The following RGL1 variants were observed in gnomAD, a reference collection of about 807,000 sequenced individuals.
The protein encoded by RGL1 is ral guanine nucleotide dissociation stimulator like 1.
In RGL1, 24 loss-of-function variants were observed where a neutral mutation model predicts 95.2. The observed-to-expected ratio is 0.25, with a 90% CI of 0.18 to 0.35. RGL1 has a LOEUF of 0.35. Ranked by LOEUF, RGL1 falls within the 10% of genes least tolerant of loss-of-function variation. The pLI is 1.00. For missense variants in RGL1, 715 were observed against 936.3 expected (o/e 0.76, Z 3.08); for synonymous variants, 329 against 344.9 (o/e 0.95, Z 0.51).
At chr1:183,678,492 T>A (rs1652982400) in intron 1 of RGL1, among the ~76,000 whole-genome samples, 1 of 152,210 alleles carries the variant, frequency 6.6e-6, no homozygotes, top group Non-Finnish European at 1.5e-5. Context: ...ATGGAATATG[T>A]GAATGAATTG....
rs117607705 is a variant in RGL1, at chr1:183,786,184, T to C, written c.133-20191T>C. On this transcript the variant is annotated intron_variant, in intron 2 of 18. Coordinates refer to the RGL1 transcript ENST00000304685. ...TGAGAGGCCAAGGCAGGAGGATTAC[T>C]TGAGCCCAGAAGTTTGAGACCAGCC... Among the ~76,000 whole-genome samples, 45 of 152,270 alleles carry C rather than the reference T, an allele frequency of 3.0e-4. No homozygotes were observed. The East Asian group carries it at 8.3e-3, about 28-fold the overall frequency.
In RGL1 at chr1:183,917,959, G is replaced by A. The variant is rs140219134; in HGVS notation, c.2004+1258G>A. Among the ~76,000 whole-genome samples the A allele has an allele frequency of 2.6e-5, 4 of 152,330 alleles. No individual in the cohort carries two copies. The East Asian group carries it at 7.7e-4, about 29-fold the overall frequency. On this transcript the variant is annotated intron_variant, in intron 16 of 17. Transcript: ENST00000360851. ...CTGCTATCATGTTCCATGTAGGAGA[G>A]GATAAGGGCTTGAATGACGGTCATG...
At chr1:183,641,283 C>T (rs1300220795) in intron 1 of RGL1, among the ~76,000 whole-genome samples, 10 of 152,164 alleles carry the variant, frequency 6.6e-5, no homozygotes, top group Admixed American at 2.6e-4. Context: ...CACAGGAGTA[C>T]GCCACTACCC....
At position 183,880,616 on chromosome 1, in the gene RGL1, T is replaced by G. The variant is rs1456311419; in HGVS notation, c.426T>G (p.Asn142Lys). 1.2e-6 allele frequency: 2 copies of G among 1,613,332 alleles called. No homozygotes were observed. The highest frequency in any genetic ancestry group is 2.7e-5 in the African/African-American group (2 of 74,890). Residue 142 changes from asparagine (N) to lysine (K), a missense_variant and splice_region_variant, in exon 5 of 18, where the codon AAT (asparagine) becomes AAG (lysine). Physicochemically the swap from Asn to Lys is moderately conservative, Grantham distance 94. Coordinates refer to ENST00000360851, the MANE Select transcript of RGL1 (RefSeq NM_001297671.3). ...SSSESKMVIRNAIASILRAWL... is the reference protein window; with the variant it reads ...SSSESKMVIRKAIASILRAWL... ...GTGACTCTCCATTTGTCTTTCTCAG[T>G]GCAATCGCTTCCATACTAAGGGCCT...
At chr1:183,872,384 T>G (rs1666234750) in intron 4 of RGL1, among the ~76,000 whole-genome samples, 2 of 152,238 alleles carry the variant, frequency 1.3e-5, no homozygotes, top group Admixed American at 6.5e-5. Flanking sequence ...ATTTCTTTCC[T>G]TTAATGACTA....
intron 2 of RGL1, among the ~76,000 whole-genome samples, chr1:183,779,876 T>G (rs1659807551): frequency 6.6e-6 from 1 of 152,000 alleles, no homozygotes; most frequent in Admixed American, 6.6e-5. Context: ...TTATGCATAG[T>G]GTGTGGGTGA....
chr1:183,841,476 G>GC (rs1664053581), intron 2 of RGL1, among the ~76,000 whole-genome samples: 1 of 152,160 alleles, frequency 6.6e-6, no homozygotes, highest in African/African-American at 2.4e-5. Context: ...TTTGGTTTAA[G>GC]TTTTGTTAAG....
intron 1 of RGL1, among the ~76,000 whole-genome samples, chr1:183,663,890 A>G (rs1259354073): frequency 1.3e-5 from 2 of 151,604 alleles, no homozygotes; most frequent in Non-Finnish European, 2.9e-5. Flanking sequence ...GCCATAAAAA[A>G]TGATGAGTTC....
intron 1 of RGL1, among the ~76,000 whole-genome samples, chr1:183,669,740 G>A (rs1160514944): frequency 6.6e-6 from 1 of 152,154 alleles, no homozygotes; most frequent in African/African-American, 2.4e-5. Flanking sequence ...AATAAAAAGA[G>A]GTTTAATGCA....
At chr1:183,897,660 G>T (rs1469007529) in intron 9 of RGL1, 148 bp from the exon 10 acceptor site, 2 of 571,636 alleles carry the variant, frequency 3.5e-6, no homozygotes, top group African/African-American at 3.8e-5. Context: ...AATATACATC[G>T]TGAGAGCCTG....
At chr1:183,807,486 G>T (rs544650185) in intron 2 of RGL1, among the ~76,000 whole-genome samples, 7 of 152,334 alleles carry the variant, frequency 4.6e-5, no homozygotes, top group African/African-American at 1.7e-4. Flanking sequence ...AAGGTGGAGT[G>T]TGAAGGAGGA....
At chr1:183,651,513 A>G (rs191786238) in intron 1 of RGL1, among the ~76,000 whole-genome samples, 2 of 152,152 alleles carry the variant, frequency 1.3e-5, no homozygotes, top group African/African-American at 2.4e-5. Context: ...TGCTAATCCT[A>G]TCCTGGGCAG....
intron 17 of RGL1, 151 bp from the exon 18 acceptor site, chr1:183,925,954 G>A: frequency 2.1e-6 from 1 of 471,584 alleles, no homozygotes; most frequent in Non-Finnish European, 3.5e-6. Flanking sequence ...TTTTGGGGTA[G>A]TGATGGTGAT....
chr1:183,820,641 A>T (rs1662413965), intron 2 of RGL1, among the ~76,000 whole-genome samples: 1 of 152,168 alleles, frequency 6.6e-6, no homozygotes, highest in Non-Finnish European at 1.5e-5. Flanking sequence ...ATATGGTAAC[A>T]ACTAGCCATA....
intron 1 of RGL1, among the ~76,000 whole-genome samples, chr1:183,738,704 C>G (rs1657100140): frequency 6.6e-6 from 1 of 152,100 alleles, no homozygotes; most frequent in African/African-American, 2.4e-5. Flanking sequence ...AGTTCAAGAC[C>G]AGCCTGGCCA....
In RGL1 at chr1:183,805,189, G is replaced by C. The variant is rs1558216342; in HGVS notation, c.-109G>C. ...GCGTGTCTGTGCGCTGCGGTCGCTC[G>C]GGACCGGGACCGGGGCGAGGCGCCG... is the stretch of plus-strand genomic sequence containing the variant. On this transcript the variant is annotated 5_prime_UTR_variant, in exon 1 of 18. Coordinates refer to ENST00000360851, the MANE Select transcript of RGL1 (RefSeq NM_001297671.3). 1.4e-6 allele frequency: 2 copies of C among 1,445,690 alleles called. No individual in the cohort carries two copies. The highest frequency in any genetic ancestry group is 2.8e-5 in the East Asian group (1 of 35,556). The allele number at this position is 1,445,690 out of a possible 1,614,324, so 89.6% of individuals were successfully genotyped here.
chr1:183,836,159 C>T (rs1347457896), intron 2 of RGL1, among the ~76,000 whole-genome samples: 1 of 152,120 alleles, frequency 6.6e-6, no homozygotes, highest in Non-Finnish European at 1.5e-5. Flanking sequence ...CTTCTTTCTT[C>T]ATTTACAGTC....
chr1:183,643,809 A>AT (rs1266395560), intron 1 of RGL1, among the ~76,000 whole-genome samples: 2 of 152,090 alleles, frequency 1.3e-5, no homozygotes, highest in East Asian at 3.9e-4. Context: ...ATTCTCTTTA[A>AT]TTTTTTGAGG....
intron 1 of RGL1, among the ~76,000 whole-genome samples, chr1:183,695,882 GA>G (rs916707179): frequency 9.6e-5 from 14 of 145,772 alleles, no homozygotes; most frequent in Admixed American, 2.0e-4. Flanking sequence ...GTCCCCCACT[GA>G]AAAAAAAAAC....
Sources: allele counts gnomAD v4.1 joint callset (sites outside exome capture counted in the v4.1 genomes callset), GRCh38; gene constraint gnomAD v4.1.1; transcripts MANE v1.5; gene names NCBI Gene and HGNC (gene_info 2026-07-23, HGNC 2026-07-21).